The following KLHL2 variants were observed in gnomAD, a reference collection of about 807,000 sequenced individuals.
KLHL2 encodes kelch like family member 2.
KLHL2 carries 15 observed loss-of-function variants against 75.8 expected under a neutral mutation model. That is an observed-to-expected ratio of 0.20 (90% confidence interval 0.13 to 0.30). The LOEUF is 0.30. Ranked by LOEUF, KLHL2 falls within the 10% of genes least tolerant of loss-of-function variation. KLHL2 has a pLI of 1.00. For synonymous variants in KLHL2, 214 were observed against 251.9 expected (o/e 0.85, Z 1.42); for missense variants, 381 against 741.0 (o/e 0.51, Z 5.64).
At chr4:165,227,167 T>C (rs187554112) in intron 2 of KLHL2, among the ~76,000 whole-genome samples, 1 of 152,292 alleles carries the variant, frequency 6.6e-6, no homozygotes, top group African/African-American at 2.4e-5. Context: ...GTGCCACCTT[T>C]TATGACTCCA....
Position 165,219,589 on chromosome 4 carries a change from A to G in KLHL2, c.27-345A>G, listed in dbSNP as rs1433830668. On this transcript the variant is annotated intron_variant, in intron 1 of 14. Coordinates refer to ENST00000226725, the MANE Select transcript of KLHL2 (RefSeq NM_007246.4). The stretch of plus-strand genomic sequence containing the variant: ...CTTGGTTTGTTAATAACGTATGACT[A>G]TAGAAGTTTGTAAAAGCAAGTTAAT... The G allele has an allele frequency of 1.0e-4, 68 of 667,556 alleles. No homozygotes were observed. In the South Asian group the frequency reaches 2.1e-3, roughly 21 times the overall value. The allele number at this position is 667,556 out of a possible 1,614,324, so 41.4% of individuals were successfully genotyped here. A position where few individuals can be genotyped will look rare whatever the true frequency, so the allele number is the denominator to read the frequency against.
intron 5 of KLHL2, among the ~76,000 whole-genome samples, chr4:165,275,705 G>A (rs1253916061): frequency 1.3e-5 from 2 of 152,182 alleles, no homozygotes; most frequent in Non-Finnish European, 2.9e-5. Flanking sequence ...GCTTCCCAGA[G>A]TCGGGATTAC....
chr4:165,243,834 A>T (rs2111127585), intron 4 of KLHL2, among the ~76,000 whole-genome samples: 1 of 152,358 alleles, frequency 6.6e-6, no homozygotes, highest in East Asian at 1.9e-4. Flanking sequence ...GACATAGTTG[A>T]AAAAGCTTTA....
At chr4:165,239,897 A>G (rs528473204) in intron 4 of KLHL2, among the ~76,000 whole-genome samples, 1 of 151,272 alleles carries the variant, frequency 6.6e-6, no homozygotes, top group South Asian at 2.1e-4. Flanking sequence ...GAAATACTAT[A>G]CTTGTTCTGA....
At chr4:165,286,144 C>G (rs1050090177) in intron 5 of KLHL2, among the ~76,000 whole-genome samples, 1 of 152,076 alleles carries the variant, frequency 6.6e-6, no homozygotes, top group Non-Finnish European at 1.5e-5. Flanking sequence ...GAAAAATGCA[C>G]AATGATGAAA....
At chr4:165,234,487 C>T (rs1408766982) in intron 3 of KLHL2, among the ~76,000 whole-genome samples, 2 of 151,324 alleles carry the variant, frequency 1.3e-5, no homozygotes, top group Non-Finnish European at 2.9e-5. Flanking sequence ...TGAATTTTAG[C>T]GTTTATCTTT....
intron 8 of KLHL2, among the ~76,000 whole-genome samples, chr4:165,304,785 C>T (rs1745600496): frequency 6.6e-6 from 1 of 152,148 alleles, no homozygotes; most frequent in South Asian, 2.1e-4. Flanking sequence ...ATTGTGTACT[C>T]TTCTTGAGTT....
chr4:165,289,085 A>G (rs535339884), intron 5 of KLHL2, among the ~76,000 whole-genome samples: 175 of 152,250 alleles, frequency 1.1e-3, no homozygotes, highest in Non-Finnish European at 2.2e-3. Flanking sequence ...CCAGTCATCT[A>G]GTGCTTCCTG....
At chr4:165,267,671 C>T (rs1386570762) in intron 5 of KLHL2, among the ~76,000 whole-genome samples, 3 of 152,020 alleles carry the variant, frequency 2.0e-5, no homozygotes, top group Non-Finnish European at 2.9e-5. Flanking sequence ...CTGACTTGAT[C>T]ATGGTGGATA....
chr4:165,234,265 A>G (rs1739145774), intron 3 of KLHL2, among the ~76,000 whole-genome samples: 1 of 152,242 alleles, frequency 6.6e-6, no homozygotes, highest in Non-Finnish European at 1.5e-5. Flanking sequence ...TTGTAACCTA[A>G]GAACAAAAAG....
Position 165,227,146 on chromosome 4 carries a change from T to C in KLHL2, c.153-1661T>C, listed in dbSNP as rs532617662. On this transcript the variant is annotated intron_variant, in intron 2 of 14. Transcript: ENST00000226725. ...TAAAATGATCTGGAGGAATTATAAA[T>C]TAGTGATACTGTGCCACCTTTTATG... Among the ~76,000 whole-genome samples, 5 of 152,294 alleles carry C rather than the reference T, an allele frequency of 3.3e-5. No individual in the cohort carries two copies. The South Asian group carries it at 8.3e-4, about 25-fold the overall frequency.
chr4:165,304,952 T>C (rs939588732), intron 8 of KLHL2, among the ~76,000 whole-genome samples: 2 of 152,228 alleles, frequency 1.3e-5, no homozygotes, highest in African/African-American at 4.8e-5. Context: ...AGGGAACTTA[T>C]AGACCTCATT....
At chr4:165,252,769 G>T (rs1182339261) in intron 4 of KLHL2, 3 of 152,040 alleles carry the variant, frequency 2.0e-5, no homozygotes, top group Non-Finnish European at 4.4e-5. Flanking sequence ...ATTTTTGCGG[G>T]GTTGCCTCTT....
chr4:165,289,007 G>A (rs181614601), intron 5 of KLHL2, among the ~76,000 whole-genome samples: 1 of 152,072 alleles, frequency 6.6e-6, no homozygotes, highest in Non-Finnish European at 1.5e-5. Context: ...AAAATAACAG[G>A]TGAGCTGCAC....
intron 5 of KLHL2, among the ~76,000 whole-genome samples, chr4:165,267,037 T>G (rs2111260576): frequency 6.6e-6 from 1 of 152,294 alleles, no homozygotes; most frequent in South Asian, 2.1e-4. Flanking sequence ...GTCCTTCATA[T>G]CCCTTGTAAG....
intron 5 of KLHL2, among the ~76,000 whole-genome samples, chr4:165,270,573 G>A (rs548753913): frequency 8.5e-5 from 13 of 152,190 alleles, no homozygotes; most frequent in Non-Finnish European, 2.9e-5. Context: ...CTTCCAACAG[G>A]CCCCTCAGCT....
intron 8 of KLHL2, among the ~76,000 whole-genome samples, chr4:165,303,503 G>A (rs113753612): frequency 5.1e-5 from 5 of 97,498 alleles, no homozygotes; most frequent in African/African-American, 1.1e-4. Context: ...TGCCCCCCCC[G>A]CCGTTTTTGG....
chr4:165,219,493 G>A (rs898702711), intron 1 of KLHL2, among the ~76,000 whole-genome samples: 1 of 152,240 alleles, frequency 6.6e-6, no homozygotes, highest in African/African-American at 2.4e-5. Flanking sequence ...ATATATCCTG[G>A]CAGGTAGAGA....
chr4:165,310,527 C>T (rs768018143), intron 9 of KLHL2, 26 bp from the exon 10 acceptor site: 2 of 1,602,262 alleles, frequency 1.2e-6, no homozygotes, highest in Non-Finnish European at 1.7e-6. Context: ...GCATGTTGAT[C>T]ATTAAATGCT....
Sources: allele counts gnomAD v4.1 joint callset (sites outside exome capture counted in the v4.1 genomes callset), GRCh38; gene constraint gnomAD v4.1.1; transcripts MANE v1.5; gene names NCBI Gene and HGNC (gene_info 2026-07-23, HGNC 2026-07-21).